The following ZNF540 variants were observed in gnomAD, a reference collection of about 807,000 sequenced individuals.
ZNF540 encodes zinc finger protein 540.
ZNF540 carries 3 observed loss-of-function variants against 11.8 expected under a neutral mutation model. The ratio of observed to expected loss-of-function variants is 0.25; its 90% CI spans 0.12 to 0.65. ZNF540 has a LOEUF of 0.65. Among genes scored for constraint, ZNF540 ranks in the 30% least tolerant of loss-of-function variants. The pLI is 0.83. For missense variants in ZNF540, 709 were observed against 793.1 expected, an observed-to-expected ratio of 0.89 and a Z score of 1.27; for synonymous variants, 247 against 259.0, an observed-to-expected ratio of 0.95 and a Z score of 0.45.
At chr19:37,609,346 A>G (rs553090634) in intron 4 of ZNF540, among the ~76,000 whole-genome samples, 1 of 152,214 alleles carries the variant, frequency 6.6e-6, no homozygotes, top group African/African-American at 2.4e-5. Flanking sequence ...GTTTGAGACC[A>G]GCCTGGCCAA....
intron 1 of ZNF540, among the ~76,000 whole-genome samples, chr19:37,559,278 T>C (rs1264664963): frequency 1.3e-5 from 2 of 152,346 alleles, no homozygotes; most frequent in African/African-American, 4.8e-5. Context: ...AGAATGTAAA[T>C]TGACATTTTC....
intron 1 of ZNF540, chr19:37,556,230 T>C (rs1248775698): frequency 1.5e-6 from 1 of 646,478 alleles, no homozygotes; most frequent in East Asian, 2.7e-5. Flanking sequence ...CCAAGTGGTG[T>C]TTGCAAATAC....
At chr19:37,576,987 C>A (rs964328904) in intron 1 of ZNF540, among the ~76,000 whole-genome samples, 2 of 152,062 alleles carry the variant, frequency 1.3e-5, no homozygotes, top group Non-Finnish European at 2.9e-5. Context: ...CCATCTTCTG[C>A]AAAACCTTAA....
In ZNF540 at chr19:37,562,978, C is replaced by T. The variant is rs530125817; in HGVS notation, c.-73+11313C>T. 42 of 152,078 alleles carry T rather than the reference C, an allele frequency of 2.8e-4. 1 individual carries two copies. In the South Asian group the frequency reaches 4.2e-3, roughly 15 times the overall value. 9.4% of individuals were successfully genotyped at this position (152,078 alleles called of 1,614,324 possible). A position where few individuals can be genotyped will look rare whatever the true frequency, so the allele number is the denominator to read the frequency against. ...TTAGGATTTTTTAATGGACTGAAAA[C>T]ATACTGTTTTTCCTATTTAAAATAA... On this transcript the variant is annotated intron_variant, in intron 1 of 4. Coordinates refer to the ZNF540 transcript ENST00000592533.
At chr19:37,586,536 G>T in intron 1 of ZNF540, 1 of 975,380 alleles carries the variant, frequency 1.0e-6, no homozygotes, top group Non-Finnish European at 1.6e-6. Context: ...ACTATTACTC[G>T]CTAGAATGGG....
chr19:37,603,918 G>A (rs1234354427), intron 4 of ZNF540, among the ~76,000 whole-genome samples: 1 of 151,818 alleles, frequency 6.6e-6, no homozygotes, highest in African/African-American at 2.4e-5. Flanking sequence ...AAATTCTTGG[G>A]CTGTATATAA....
At chr19:37,558,072 G>A (rs2042679667) in intron 1 of ZNF540, among the ~76,000 whole-genome samples, 1 of 152,094 alleles carries the variant, frequency 6.6e-6, no homozygotes, top group Non-Finnish European at 1.5e-5. Flanking sequence ...CTAAAGCAGG[G>A]GCTTCAGTTA....
Position 37,604,338 on chromosome 19 carries a change from C to T in ZNF540, c.232+3233C>T, listed in dbSNP as rs111990904. 6.5e-3 allele frequency among the ~76,000 whole-genome samples: 663 copies of T among 101,558 alleles called. 10 individuals are homozygous for T. The highest frequency in any genetic ancestry group is 0.023 in the African/African-American group (625 of 27,522). 66.6% of individuals were successfully genotyped at this position (101,558 alleles called of 152,430 possible). A position where few individuals can be genotyped will look rare whatever the true frequency, so the allele number is the denominator to read the frequency against. Reference sequence around the variant, plus strand: ...TTTTTTTTTTTTTAAGGCGGAGTCTCGCTCTGTCGCCCAGGCTGGAGTGCA... The same window carrying T: ...TTTTTTTTTTTTTAAGGCGGAGTCTTGCTCTGTCGCCCAGGCTGGAGTGCA... On this transcript the variant is annotated intron_variant, in intron 4 of 4. Coordinates refer to ENST00000316433, the MANE Select transcript of ZNF540 (RefSeq NM_001172225.3).
chr19:37,552,819 C>G (rs565743565), intron 1 of ZNF540, among the ~76,000 whole-genome samples: 4 of 151,830 alleles, frequency 2.6e-5, no homozygotes, highest in Admixed American at 2.6e-4. Context: ...TGGTGGCGTG[C>G]GCCTGTAGTC....
At chr19:37,572,873 A>G (rs1398762115) in intron 1 of ZNF540, among the ~76,000 whole-genome samples, 1 of 152,226 alleles carries the variant, frequency 6.6e-6, no homozygotes, top group Non-Finnish European at 1.5e-5. Flanking sequence ...TCCAACCCTA[A>G]TATTTATTCA....
rs1167128501 is a variant in ZNF540 at position 37,613,162 on chromosome 19, A to T, written c.1882A>T (p.Ile628Phe). 1.5e-5 allele frequency: 25 copies of T among 1,613,848 alleles called. No individual in the cohort carries two copies. The highest frequency in any genetic ancestry group is 2.1e-5 in the Non-Finnish European group (25 of 1,179,798). ...TTCACACCTTACTGAACATCAGAGA[A>T]TTCACACTGGTGAGAAACCCTATGA... is the stretch of plus-strand genomic sequence containing the variant. ...LNSHLTEHQR[I>F]HTGEKPYECK... is the part of the protein sequence containing the mutation. The change falls in exon 5 of 5, where the codon ATT becomes TTT. Residue 628 changes from isoleucine (I) to phenylalanine (F), a missense_variant. Ile to Phe is a conservative substitution (Grantham distance 21). Coordinates refer to ENST00000316433, the MANE Select transcript of ZNF540 (RefSeq NM_001172225.3).
At chr19:37,611,420 G>A (rs777789624) in intron 4 of ZNF540, 93 bp from the exon 5 acceptor site, 8 of 1,026,332 alleles carry the variant, frequency 7.8e-6, no homozygotes, top group Non-Finnish European at 9.9e-6. Context: ...AGTAAGAACC[G>A]TTTTCACTTT....
chr19:37,614,059 T>C lies in ZNF540; in HGVS notation c.*796T>C, dbSNP rs1273832462. 7 of 392,914 alleles carry C rather than the reference T, an allele frequency of 1.8e-5. No individual in the cohort carries two copies. The highest frequency in any genetic ancestry group is 3.1e-5 in the Non-Finnish European group (7 of 223,204). 24.3% of individuals were successfully genotyped at this position (392,914 alleles called of 1,614,324 possible). ...GCACCTTGACCTTGGACTTTCAGCC[T>C]CCAAAACTGTGAGAAATAAACCTCA... On this transcript the variant is annotated 3_prime_UTR_variant, in exon 5 of 5. Transcript: ENST00000316433.
In ZNF540 at chr19:37,613,913, T is replaced by A. The variant is rs2044152061; in HGVS notation, c.*650T>A. On this transcript the variant is annotated 3_prime_UTR_variant, in exon 5 of 5. Coordinates refer to ENST00000316433, the MANE Select transcript of ZNF540 (RefSeq NM_001172225.3). The stretch of plus-strand genomic sequence containing the variant: ...GAGGGTGGAGCCTTCATGAGTGGAA[T>A]TACTGCCTTTATAAGAAGAAGCCAA... 1 of 398,538 alleles carries A rather than the reference T, an allele frequency of 2.5e-6. No homozygotes were observed. Among genetic ancestry groups the A allele is most frequent in the East Asian group, 3.6e-5 (1 of 28,058 alleles). The allele number at this position is 398,538 out of a possible 1,614,324, so 24.7% of individuals were successfully genotyped here. A position where few individuals can be genotyped will look rare whatever the true frequency, so the allele number is the denominator to read the frequency against.
At chr19:37,574,487 C>T (rs2043177846) in intron 1 of ZNF540, among the ~76,000 whole-genome samples, 1 of 152,168 alleles carries the variant, frequency 6.6e-6, no homozygotes, top group East Asian at 1.9e-4. Flanking sequence ...TGCCACTCTA[C>T]CTAAAACTCT....
chr19:37,585,754 A>G (rs1342173045), intron 1 of ZNF540: 1 of 152,212 alleles, frequency 6.6e-6, no homozygotes, highest in African/African-American at 2.4e-5. Flanking sequence ...ACCTTACCTT[A>G]CATGGCAAAG....
chr19:37,558,241 G>GT (rs1289132523), intron 1 of ZNF540, among the ~76,000 whole-genome samples: 1 of 152,082 alleles, frequency 6.6e-6, no homozygotes, highest in Non-Finnish European at 1.5e-5. Context: ...GCTCGTTTTT[G>GT]TTTTTCAAAC....
intron 1 of ZNF540, among the ~76,000 whole-genome samples, chr19:37,567,343 T>C (rs886280264): frequency 5.3e-5 from 8 of 152,344 alleles, no homozygotes; most frequent in African/African-American, 1.9e-4. Context: ...TGTTCCTTCA[T>C]TCATAAATCT....
intron 4 of ZNF540, among the ~76,000 whole-genome samples, chr19:37,601,624 A>C (rs2044040084): frequency 6.6e-6 from 1 of 152,258 alleles, no homozygotes; most frequent in African/African-American, 2.4e-5. Context: ...CATGCTATGA[A>C]AGAAACCTAT....
Sources: allele counts gnomAD v4.1 joint callset (sites outside exome capture counted in the v4.1 genomes callset), GRCh38; gene constraint gnomAD v4.1.1; transcripts MANE v1.5; gene names NCBI Gene and HGNC (gene_info 2026-07-23, HGNC 2026-07-21).